Variants in PLA2G2E observed in about 807,000 individuals in gnomAD.
PLA2G2E encodes the protein phospholipase A2 group IIE, also known as group IIE secretory phospholipase A2.
Under a neutral mutation model 16.5 loss-of-function variants are expected in PLA2G2E, and 14 were observed. The observed-to-expected ratio is 0.85, with a 90% CI of 0.56 to 1.33. PLA2G2E has a LOEUF of 1.33. Ranked by LOEUF, PLA2G2E falls within the 40% of genes most tolerant of loss-of-function variation. PLA2G2E has a pLI of 0.00. For missense variants in PLA2G2E, 174 were observed against 190.7 expected, an observed-to-expected ratio of 0.91 and a Z score of 0.52; for synonymous variants, 72 against 77.2, an observed-to-expected ratio of 0.93 and a Z score of 0.36.
Position 19,922,317 on chromosome 1 carries a change from G to C in PLA2G2E, c.267C>G (p.Ser89Arg). 2 of 1,613,688 alleles carry C rather than the reference G, an allele frequency of 1.2e-6. No homozygotes were observed. Among genetic ancestry groups the C allele is most frequent in the Non-Finnish European group, 1.7e-6 (2 of 1,179,630 alleles). Residue 89 changes from serine (S) to arginine (R), a missense_variant, in exon 3 of 4, where the codon AGC becomes AGG. Ser to Arg is a moderately radical substitution (Grantham distance 110). Coordinates refer to ENST00000375116, the MANE Select transcript of PLA2G2E (RefSeq NM_014589.3). ...PKLEKYLFSV[S>R]ERGIFCAGRT... ...ACCTACCGCAGAAAATGCCACGTTC[G>C]CTGACAGAGAAAAGATACTTTTCCA...
In PLA2G2E at chr1:19,920,307, T is replaced by C; in HGVS notation, c.429A>G (p.Ter143TrpextTer18). ...GACGGGGGGGAGGCCGAGCATAGCC[T>C]CAGCAGGGCGGGGTGGGCCCGGTGC... ...KLCTGPTPPC[*>W] Residue 143 changes from the stop codon to tryptophan, a stop_lost, in exon 4 of 4, where the codon TGA (stop) becomes TGG (tryptophan). Coordinates refer to ENST00000375116, the MANE Select transcript of PLA2G2E (RefSeq NM_014589.3). The surrounding 1 kb of genome is among the most constrained non-coding windows in gnomAD (Gnocchi z 4.3). The C allele has an allele frequency of 6.2e-7, 1 of 1,611,564 alleles. No homozygotes were observed. The highest frequency in any genetic ancestry group is 1.1e-5 in the South Asian group (1 of 90,952).
chr1:19,922,856 G>T, intron 1 of PLA2G2E, 101 bp from the exon 2 acceptor site: 1 of 1,413,556 alleles, frequency 7.1e-7, no homozygotes, highest in Non-Finnish European at 9.6e-7. Flanking sequence ...CTCTCCAGTT[G>T]TCCAGTTAAG....
Position 19,920,338 on chromosome 1 carries a change from T to G in PLA2G2E, c.398A>C (p.Lys133Thr). Reference protein sequence around the residue: ...YNRKYAHYPNKLCTGPTPPC With the variant: ...YNRKYAHYPNTLCTGPTPPC The stretch of plus-strand genomic sequence containing the variant: ...GGGCGGGGTGGGCCCGGTGCACAGC[T>G]TGTTGGGATAATGGGCATATTTGCG... Residue 133 changes from lysine to threonine, a missense_variant, in exon 4 of 4, where the codon AAG (lysine) becomes ACG (threonine). Lys to Thr is a moderately conservative substitution (Grantham distance 78, BLOSUM62 -1). Transcript: ENST00000375116. The surrounding 1 kb of genome is among the most constrained non-coding windows in gnomAD (Gnocchi z 4.3). 1 of 1,613,162 alleles carries G rather than the reference T, an allele frequency of 6.2e-7. No individual in the cohort carries two copies. The highest frequency in any genetic ancestry group is 8.5e-7 in the Non-Finnish European group (1 of 1,179,772).
At position 19,920,286 on chromosome 1, in the gene PLA2G2E, G is replaced by C. The variant is rs765070910; in HGVS notation, c.*21C>G. On this transcript the variant is annotated 3_prime_UTR_variant, in exon 4 of 4. Coordinates refer to ENST00000375116, the MANE Select transcript of PLA2G2E (RefSeq NM_014589.3). The surrounding 1 kb of genome is among the most constrained non-coding windows in gnomAD (Gnocchi z 4.3). ...GCCCGAGGCGGGACCTCCAGGGACG[G>C]GGGGGAGGCCGAGCATAGCCTCAGC... is the stretch of plus-strand genomic sequence containing the variant. 35 of 1,604,686 alleles carry C rather than the reference G, an allele frequency of 2.2e-5. No homozygotes were observed. Among genetic ancestry groups the C allele is most frequent in the Admixed American group, 6.7e-5 (4 of 59,796 alleles).
chr1:19,920,304 G>A lies in PLA2G2E; in HGVS notation c.*3C>T, dbSNP rs1204489441. ...AGGGACGGGGGGGAGGCCGAGCATAGCCTCAGCAGGGCGGGGTGGGCCCGG... is the reference window on the plus strand; with the variant it reads ...AGGGACGGGGGGGAGGCCGAGCATAACCTCAGCAGGGCGGGGTGGGCCCGG... On this transcript the variant is annotated 3_prime_UTR_variant, in exon 4 of 4. Coordinates refer to ENST00000375116, the MANE Select transcript of PLA2G2E (RefSeq NM_014589.3). The surrounding 1 kb of genome is among the most constrained non-coding windows in gnomAD (Gnocchi z 4.3). 3 of 1,610,544 alleles carry A rather than the reference G, an allele frequency of 1.9e-6. No individual in the cohort carries two copies. The highest frequency in any genetic ancestry group is 2.7e-5 in the African/African-American group (2 of 74,856).
intron 3 of PLA2G2E, among the ~76,000 whole-genome samples, chr1:19,921,143 T>C (rs2045810950): frequency 6.6e-6 from 1 of 152,212 alleles, no homozygotes; most frequent in African/African-American, 2.4e-5. Flanking sequence ...TTTGTCCCCA[T>C]GACTGTATCT....
In PLA2G2E at chr1:19,920,284, C is replaced by A; in HGVS notation, c.*23G>T. Reference sequence around the variant, plus strand: ...CAGCCCGAGGCGGGACCTCCAGGGACGGGGGGGAGGCCGAGCATAGCCTCA... The same window carrying A: ...CAGCCCGAGGCGGGACCTCCAGGGAAGGGGGGGAGGCCGAGCATAGCCTCA... On this transcript the variant is annotated 3_prime_UTR_variant, in exon 4 of 4. Coordinates refer to ENST00000375116, the MANE Select transcript of PLA2G2E (RefSeq NM_014589.3). The surrounding 1 kb of genome is among the most constrained non-coding windows in gnomAD (Gnocchi z 4.3). The A allele has an allele frequency of 6.9e-6, 11 of 1,600,386 alleles. No individual in the cohort carries two copies. The highest frequency in any genetic ancestry group is 1.7e-5 in the Admixed American group (1 of 59,620).
intron 1 of PLA2G2E, among the ~76,000 whole-genome samples, chr1:19,923,287 G>A (rs2045833679): frequency 6.6e-6 from 1 of 152,208 alleles, no homozygotes; most frequent in African/African-American, 2.4e-5. Flanking sequence ...TCCGGGAAGC[G>A]CCAGCCCCTG....
chr1:19,920,111 G>A lies in PLA2G2E; in HGVS notation c.*196C>T. ...AAGGGTCCATGGCTCCTGGGGCAGGGTTCTTTCTACAGAGAAGGGGTAGCC... is the reference window on the plus strand; with the variant it reads ...AAGGGTCCATGGCTCCTGGGGCAGGATTCTTTCTACAGAGAAGGGGTAGCC... On this transcript the variant is annotated 3_prime_UTR_variant, in exon 4 of 4. Transcript: ENST00000375116. This position sits in a 1 kb window ranked among gnomAD's most constrained non-coding sequence, Gnocchi z 4.3. 1.7e-6 allele frequency: 1 copy of A among 573,064 alleles called. No homozygotes were observed. Among genetic ancestry groups the A allele is most frequent in the South Asian group, 2.2e-5 (1 of 44,754 alleles). The allele number at this position is 573,064 out of a possible 1,614,324, so 35.5% of individuals were successfully genotyped here.
chr1:19,921,185 C>G (rs1444318254), intron 3 of PLA2G2E, among the ~76,000 whole-genome samples: 2 of 152,232 alleles, frequency 1.3e-5, no homozygotes. Flanking sequence ...CATTTCCCCT[C>G]TTGAAGTTGA....
At position 19,923,516 on chromosome 1, in the gene PLA2G2E, T is replaced by G. The variant is rs1407829415; in HGVS notation, c.40+4A>C. 1.3e-6 allele frequency: 2 copies of G among 1,548,010 alleles called. No homozygotes were observed. Among genetic ancestry groups the G allele is most frequent in the African/African-American group, 2.7e-5 (2 of 72,900 alleles). The stretch of plus-strand genomic sequence containing the variant: ...GAAGGCTGAAGGTCACAAAGATCAC[T>G]TACCCAGGAGGCAAAGGAACACCAG... On this transcript the variant is annotated splice_donor_region_variant and intron_variant, in intron 1 of 3. Transcript: ENST00000375116.
In PLA2G2E at chr1:19,920,340, G is replaced by A. The variant is rs1325698658; in HGVS notation, c.396C>T (p.Asn132=). 1 of 1,613,368 alleles carries A rather than the reference G, an allele frequency of 6.2e-7. No individual in the cohort carries two copies. The highest frequency in any genetic ancestry group is 1.1e-5 in the South Asian group (1 of 91,034). Residue 132 remains asparagine (N), a synonymous_variant, in exon 4 of 4, where the codon AAC becomes AAT. Transcript: ENST00000375116. This position sits in a 1 kb window ranked among gnomAD's most constrained non-coding sequence, Gnocchi z 4.3. ...GCGGGGTGGGCCCGGTGCACAGCTT[G>A]TTGGGATAATGGGCATATTTGCGGT... ...TYNRKYAHYP[N]KLCTGPTPPC
In PLA2G2E at chr1:19,922,772, G is replaced by A. The variant is rs778512257; in HGVS notation, c.41-17C>T. 8.1e-6 allele frequency: 13 copies of A among 1,611,890 alleles called. No individual in the cohort carries two copies. The South Asian group carries it at 1.3e-4, about 16-fold the overall frequency. The stretch of plus-strand genomic sequence containing the variant: ...CCAGAGCCACTGCAGAGAGGGAGAG[G>A]GAGAGGGAGAGGGAGGGCCCCACCC... On this transcript the variant is annotated splice_polypyrimidine_tract_variant and intron_variant, in intron 1 of 3. Coordinates refer to ENST00000375116, the MANE Select transcript of PLA2G2E (RefSeq NM_014589.3).
chr1:19,922,871 C>T (rs1412865227), intron 1 of PLA2G2E, 116 bp from the exon 2 acceptor site: 1 of 1,240,920 alleles, frequency 8.1e-7, no homozygotes, highest in Non-Finnish European at 1.1e-6. Context: ...GTTAAGCTCA[C>T]CTCCCCAAAG....
rs931897652 is a variant in PLA2G2E at position 19,920,529 on chromosome 1, G to A, written c.287-80C>T. On this transcript the variant is annotated intron_variant, in intron 3 of 3. Coordinates refer to ENST00000375116, the MANE Select transcript of PLA2G2E (RefSeq NM_014589.3). This position sits in a 1 kb window ranked among gnomAD's most constrained non-coding sequence, Gnocchi z 4.3. ...AGCTCTTGGCTGCTTCTGGGTCCACGTTCTTGACCTGGACCAACTCCATTC... is the reference window on the plus strand; with the variant it reads ...AGCTCTTGGCTGCTTCTGGGTCCACATTCTTGACCTGGACCAACTCCATTC... 5 of 1,442,248 alleles carry A rather than the reference G, an allele frequency of 3.5e-6. No individual in the cohort carries two copies. Among genetic ancestry groups the A allele is most frequent in the African/African-American group, 1.4e-5 (1 of 71,574 alleles). The allele number at this position is 1,442,248 out of a possible 1,614,324, so 89.3% of individuals were successfully genotyped here. A position where few individuals can be genotyped will look rare whatever the true frequency, so the allele number is the denominator to read the frequency against.
In PLA2G2E at chr1:19,920,310, G is replaced by A; in HGVS notation, c.426C>T (p.Cys142=). 1.9e-6 allele frequency: 3 copies of A among 1,611,850 alleles called. No individual in the cohort carries two copies. Among genetic ancestry groups the A allele is most frequent in the Non-Finnish European group, 2.5e-6 (3 of 1,179,446 alleles). The change falls in exon 4 of 4, where the codon TGC becomes TGT. Residue 142 remains cysteine (C), a synonymous_variant. Coordinates refer to ENST00000375116, the MANE Select transcript of PLA2G2E (RefSeq NM_014589.3). This position sits in a 1 kb window ranked among gnomAD's most constrained non-coding sequence, Gnocchi z 4.3. The stretch of plus-strand genomic sequence containing the variant: ...GGGGGGGAGGCCGAGCATAGCCTCA[G>A]CAGGGCGGGGTGGGCCCGGTGCACA... ...NKLCTGPTPP[C]
Position 19,923,544 on chromosome 1 carries a change from C to G in PLA2G2E, c.16G>C (p.Val6Leu), listed in dbSNP as rs756809037. Residue 6 changes from valine (V) to leucine (L), a missense_variant, in exon 1 of 4, where the codon GTG (valine) becomes CTG (leucine). Physicochemically the swap from Val to Leu is conservative, Grantham distance 32 (BLOSUM62 1). Transcript: ENST00000375116. MKSPH[V>L]LVFLCLLVAL... ...CCCAGGAGGCAAAGGAACACCAGCACGTGGGGAGATTTCATCCCAGGTTGG... is the reference window on the plus strand; with the variant it reads ...CCCAGGAGGCAAAGGAACACCAGCAGGTGGGGAGATTTCATCCCAGGTTGG... 6.4e-7 allele frequency: 1 copy of G among 1,550,468 alleles called. No individual in the cohort carries two copies. Among genetic ancestry groups the G allele is most frequent in the East Asian group, 2.4e-5 (1 of 40,892 alleles).
Position 19,922,325 on chromosome 1 carries a change from A to T in PLA2G2E, c.259T>A (p.Ser87Thr), listed in dbSNP as rs1247825912. The change falls in exon 3 of 4, where the codon TCT (serine) becomes ACT (threonine). Residue 87 changes from serine (S) to threonine (T), a missense_variant. Ser to Thr is a moderately conservative substitution (Grantham distance 58). Coordinates refer to ENST00000375116, the MANE Select transcript of PLA2G2E (RefSeq NM_014589.3). ...CEPKLEKYLF[S>T]VSERGIFCAG... ...CAGAAAATGCCACGTTCGCTGACAG[A>T]GAAAAGATACTTTTCCAGTTTGGGC... is the stretch of plus-strand genomic sequence containing the variant. 1 of 1,614,006 alleles carries T rather than the reference A, an allele frequency of 6.2e-7. No homozygotes were observed. Among genetic ancestry groups the T allele is most frequent in the South Asian group, 1.1e-5 (1 of 91,086 alleles).
Position 19,920,556 on chromosome 1 carries a change from G to GA in PLA2G2E, c.287-108dup. On this transcript the variant is annotated intron_variant, in intron 3 of 3. Transcript: ENST00000375116. This position sits in a 1 kb window ranked among gnomAD's most constrained non-coding sequence, Gnocchi z 4.3. ...TCTTGACCTGGACCAACTCCATTCTGATGGAAGCCCAAGCTCCCGGGTTGT... is the reference window on the plus strand; with the variant it reads ...TCTTGACCTGGACCAACTCCATTCTGAATGGAAGCCCAAGCTCCCGGGTTGT... 8.8e-7 allele frequency: 1 copy of GA among 1,134,872 alleles called. No homozygotes were observed. The highest frequency in any genetic ancestry group is 1.3e-6 in the Non-Finnish European group (1 of 799,324). 70.3% of individuals were successfully genotyped at this position (1,134,872 alleles called of 1,614,324 possible).
Sources: gnomAD v4.1 joint callset for allele counts (sites outside exome capture counted in the v4.1 genomes callset) on GRCh38, gnomAD v4.1.1 for gene constraint, Gnocchi (gnomAD v3.1) non-coding constraint, MANE v1.5 for transcripts, NCBI Gene and HGNC (gene_info 2026-07-23, HGNC 2026-07-21) for gene names.